Variants in RPS6KC1 observed in about 807,000 individuals in gnomAD.
The protein encoded by RPS6KC1 is ribosomal protein S6 kinase C1, also known as inactive ribosomal protein S6 kinase delta-1.
RPS6KC1 carries 54 observed loss-of-function variants against 103.8 expected under a neutral mutation model. That is an observed-to-expected ratio of 0.52 (90% CI 0.42 to 0.65). The LOEUF (loss-of-function observed/expected upper bound fraction) is 0.65. Ranked by LOEUF, RPS6KC1 falls within the 30% of genes least tolerant of loss-of-function variation. The pLI is 0.00. For synonymous variants in RPS6KC1, 439 were observed against 438.7 expected (o/e 1.00, Z -0.01); for missense variants, 1,151 against 1,253.8 (o/e 0.92, Z 1.24).
chr1:213,444,698 C>T, the RPS6KC1 span, among the ~76,000 whole-genome samples: 7 of 130,156 alleles, frequency 5.4e-5, no homozygotes, highest in Non-Finnish European at 9.2e-5. Flanking sequence ...GAGCTGATAT[C>T]GTGCCATTGC....
chr1:213,675,140 A>C, the RPS6KC1 span, among the ~76,000 whole-genome samples: 1 of 152,332 alleles, frequency 6.6e-6, no homozygotes, highest in East Asian at 1.9e-4. Flanking sequence ...GAAGCTCTTA[A>C]AATCTTTAAG....
the RPS6KC1 span, among the ~76,000 whole-genome samples, chr1:213,602,840 T>G: frequency 1.3e-5 from 2 of 152,196 alleles, no homozygotes; most frequent in Non-Finnish European, 2.9e-5. Context: ...TTTCATAGAA[T>G]TTTCCTAATG....
intron 14 of RPS6KC1, among the ~76,000 whole-genome samples, chr1:213,269,068 G>A (rs925891472): frequency 7.2e-5 from 11 of 152,148 alleles, no homozygotes; most frequent in African/African-American, 1.7e-4. Context: ...TCTTCTGTGC[G>A]TGAGAGACAC....
At chr1:213,185,136 A>G (rs1327225650) in intron 8 of RPS6KC1, among the ~76,000 whole-genome samples, 2 of 151,992 alleles carry the variant, frequency 1.3e-5, no homozygotes, top group Admixed American at 6.6e-5. Context: ...TAGATCTATT[A>G]TGTTTATTTT....
the RPS6KC1 span, among the ~76,000 whole-genome samples, chr1:213,547,480 T>C: frequency 6.6e-6 from 1 of 152,354 alleles, no homozygotes; most frequent in African/African-American, 2.4e-5. Flanking sequence ...AAATTGAAGA[T>C]GTTCTGTCTC....
chr1:213,787,484 C>G, the RPS6KC1 span, among the ~76,000 whole-genome samples: 1 of 152,092 alleles, frequency 6.6e-6, no homozygotes, highest in Non-Finnish European at 1.5e-5. Context: ...AATGCAAAGT[C>G]TTTCTTAAAT....
At chr1:213,637,729 A>G in the RPS6KC1 span, among the ~76,000 whole-genome samples, 2 of 152,088 alleles carry the variant, frequency 1.3e-5, no homozygotes, top group Non-Finnish European at 2.9e-5. Flanking sequence ...CTGTATCCTC[A>G]CCACCTAGCC....
chr1:213,270,185 A>G (rs2095014000), intron 14 of RPS6KC1, among the ~76,000 whole-genome samples: 1 of 152,206 alleles, frequency 6.6e-6, no homozygotes, highest in African/African-American at 2.4e-5. Context: ...TTTTAAGACC[A>G]CAGTGTTTTT....
intron 6 of RPS6KC1, among the ~76,000 whole-genome samples, chr1:213,156,339 TA>T (rs910044793): frequency 6.6e-6 from 1 of 151,796 alleles, no homozygotes; most frequent in African/African-American, 2.4e-5. Flanking sequence ...TTTTAAAAAT[TA>T]AAAAAAAGGA....
rs368211164 is a variant in RPS6KC1 at position 213,054,726 on chromosome 1, T to A, written c.105+3217T>A. ...TGCTTTTTTGCAGTTCTCTGAAATC[T>A]GGCAAGGTTAGATGATTTTGAGGCC... On this transcript the variant is annotated intron_variant, in intron 1 of 14. Transcript: ENST00000366960. 2.1e-4 allele frequency among the ~76,000 whole-genome samples: 32 copies of A among 152,346 alleles called. No individual in the cohort carries two copies. The East Asian group carries it at 4.8e-3, about 23-fold the overall frequency.
chr1:213,733,544 G>GTTTTT, the RPS6KC1 span, among the ~76,000 whole-genome samples: 1,468 of 99,992 alleles, frequency 0.015, 30 homozygotes, highest in African/African-American at 0.059. Flanking sequence ...GCTATTTTTA[G>GTTTTT]TTTGTTTTTT....
the RPS6KC1 span, among the ~76,000 whole-genome samples, chr1:213,394,124 A>G: frequency 6.6e-6 from 1 of 152,090 alleles, no homozygotes; most frequent in Non-Finnish European, 1.5e-5. Flanking sequence ...CTGAGTGCAG[A>G]GTCCGAAGTT....
the RPS6KC1 span, among the ~76,000 whole-genome samples, chr1:213,358,843 A>G: frequency 6.6e-6 from 1 of 152,100 alleles, no homozygotes; most frequent in Admixed American, 6.5e-5. Flanking sequence ...CAGGTTGTTC[A>G]GTTTCCATGT....
At chr1:213,428,472 C>CCCTCCCTCCCTCCCTTCCTTCTTT in the RPS6KC1 span, among the ~76,000 whole-genome samples, 2 of 34,156 alleles carry the variant, frequency 5.9e-5, no homozygotes, top group African/African-American at 1.3e-4. Flanking sequence ...TTTCCTCCCT[C>CCCTCCCTCCCTCCCTTCCTTCTTT]CCTCCCTCCC....
the RPS6KC1 span, among the ~76,000 whole-genome samples, chr1:213,752,423 G>T: frequency 6.6e-6 from 1 of 152,140 alleles, no homozygotes; most frequent in Non-Finnish European, 1.5e-5. Flanking sequence ...ATCGATGCCA[G>T]GTTTAGCCTG....
At chr1:213,355,314 G>A in the RPS6KC1 span, among the ~76,000 whole-genome samples, 5 of 152,226 alleles carry the variant, frequency 3.3e-5, no homozygotes, top group East Asian at 3.9e-4. Context: ...CTGGCGGGAT[G>A]TACAAGGGCG....
chr1:213,767,690 A>G, the RPS6KC1 span, among the ~76,000 whole-genome samples: 1 of 152,220 alleles, frequency 6.6e-6, no homozygotes, highest in South Asian at 2.1e-4. Flanking sequence ...CAAAGTAATG[A>G]CATACCTTCA....
chr1:213,615,764 G>A, the RPS6KC1 span, among the ~76,000 whole-genome samples: 7 of 152,232 alleles, frequency 4.6e-5, no homozygotes, highest in African/African-American at 1.7e-4. Flanking sequence ...ATGTGTCCCT[G>A]TGAGAATGTA....
the RPS6KC1 span, among the ~76,000 whole-genome samples, chr1:213,808,162 T>C: frequency 2.3e-4 from 35 of 149,530 alleles, no homozygotes; most frequent in African/African-American, 8.6e-4. Context: ...AGTACCCGGC[T>C]GTGTGAGGTG....
Sources: allele counts gnomAD v4.1 joint callset (sites outside exome capture counted in the v4.1 genomes callset), GRCh38; gene constraint gnomAD v4.1.1; transcripts MANE v1.5; gene names NCBI Gene and HGNC (gene_info 2026-07-23, HGNC 2026-07-21).